Variants in CFAP20 observed in about 807,000 individuals in gnomAD.
CFAP20 encodes the protein cilia- and flagella-associated protein 20.
A neutral mutation model predicts 25.5 loss-of-function variants in CFAP20; 14 were observed. That is an observed-to-expected ratio of 0.55 (90% CI 0.36 to 0.86). CFAP20 has a LOEUF of 0.86. Among genes scored for constraint, CFAP20 ranks in the 40% least tolerant of loss-of-function variants. The pLI is 0.01. For synonymous variants in CFAP20, 75 were observed against 91.1 expected, an observed-to-expected ratio of 0.82 and a Z score of 1.01; for missense variants, 181 against 248.0, an observed-to-expected ratio of 0.73 and a Z score of 1.81.
intron 1 of CFAP20, 81 bp downstream of exon 1, chr16:58,128,951 C>A (rs939103997): frequency 1.4e-6 from 2 of 1,469,470 alleles, no homozygotes; most frequent in African/African-American, 1.4e-5. Context: ...CAATTCGACA[C>A]AACCATTCCC....
rs3743575 is a variant in CFAP20, at chr16:58,129,285, C to A, written c.-170G>T. Reference sequence around the variant, plus strand: ...CACTGATGGCCGGACTCGGACGCGGCAACGCTAAGTCCGCGATCTTCAGCT... The same window carrying A: ...CACTGATGGCCGGACTCGGACGCGGAAACGCTAAGTCCGCGATCTTCAGCT... On this transcript the variant is annotated 5_prime_UTR_variant, in exon 1 of 6. Transcript: ENST00000262498. 64 of 652,542 alleles carry A rather than the reference C, an allele frequency of 9.8e-5. No individual in the cohort carries two copies. Among genetic ancestry groups the A allele is most frequent in the Non-Finnish European group, 1.6e-4 (62 of 381,766 alleles). 40.4% of individuals were successfully genotyped at this position (652,542 alleles called of 1,614,324 possible). A position where few individuals can be genotyped will look rare whatever the true frequency, so the allele number is the denominator to read the frequency against.
At chr16:58,121,318 C>T (rs915153448) in intron 1 of CFAP20, among the ~76,000 whole-genome samples, 11 of 152,194 alleles carry the variant, frequency 7.2e-5, no homozygotes, top group African/African-American at 2.7e-4. Context: ...GTTCAGAGGT[C>T]ACTGGGCAGG....
chr16:58,120,683 T>A (rs527452846), intron 1 of CFAP20, among the ~76,000 whole-genome samples: 1 of 152,220 alleles, frequency 6.6e-6, no homozygotes, highest in Non-Finnish European at 1.5e-5. Context: ...CTAAAGAGAT[T>A]TCTTTTTCTC....
chr16:58,116,217 AAT>A, intron 2 of CFAP20, 65 bp from the exon 3 acceptor site: 2 of 1,177,196 alleles, frequency 1.7e-6, no homozygotes, highest in Non-Finnish European at 2.5e-6. Context: ...TATGCACAAC[AAT>A]AACACACGGT....
At chr16:58,125,485 G>A (rs1960599277) in intron 1 of CFAP20, among the ~76,000 whole-genome samples, 1 of 152,160 alleles carries the variant, frequency 6.6e-6, no homozygotes, top group Admixed American at 6.5e-5. Context: ...AGGAATTCAA[G>A]ACCAGCCTGG....
intron 1 of CFAP20, among the ~76,000 whole-genome samples, chr16:58,121,458 C>T (rs1025924083): frequency 6.6e-6 from 1 of 152,156 alleles, no homozygotes; most frequent in Admixed American, 6.5e-5. Context: ...AATTCTTTTT[C>T]ATTCATGACA....
intron 1 of CFAP20, 116 bp downstream of exon 1, chr16:58,128,916 C>T: frequency 8.5e-7 from 1 of 1,180,272 alleles, no homozygotes; most frequent in Non-Finnish European, 1.2e-6. Flanking sequence ...GGCACAGCAG[C>T]GTCCTCTCGG....
chr16:58,118,012 T>C (rs1960482361), intron 1 of CFAP20, among the ~76,000 whole-genome samples: 1 of 152,238 alleles, frequency 6.6e-6, no homozygotes, highest in Admixed American at 6.5e-5. Context: ...TAGCACCTCA[T>C]CCTACATTGT....
intron 1 of CFAP20, chr16:58,119,133 A>G (rs1379677850): frequency 6.6e-6 from 1 of 152,176 alleles, no homozygotes; most frequent in Non-Finnish European, 1.5e-5. Context: ...CTGTTTTTAG[A>G]CATTAGTCTC....
chr16:58,126,848 C>A (rs117343535), intron 1 of CFAP20, among the ~76,000 whole-genome samples: 64 of 152,332 alleles, frequency 4.2e-4, no homozygotes, highest in East Asian at 3.3e-3. Context: ...AAAAAGCACA[C>A]ACGACAAAGC....
intron 1 of CFAP20, among the ~76,000 whole-genome samples, chr16:58,127,261 G>C (rs1331411959): frequency 1.3e-5 from 2 of 152,130 alleles, no homozygotes; most frequent in African/African-American, 4.8e-5. Context: ...GCCCAGAAGG[G>C]TTAAAATGGA....
chr16:58,124,335 C>T (rs992767060), intron 1 of CFAP20, among the ~76,000 whole-genome samples: 4 of 152,308 alleles, frequency 2.6e-5, no homozygotes, highest in African/African-American at 9.6e-5. Context: ...ATTCCTCAGT[C>T]CCTGCCATAT....
chr16:58,115,713 T>G (rs1960448933), intron 3 of CFAP20: 2 of 561,080 alleles, frequency 3.6e-6, no homozygotes, highest in South Asian at 4.3e-5. Context: ...CCATAGAGTA[T>G]ATAAATGTTC....
At chr16:58,126,717 C>T (rs1960618066) in intron 1 of CFAP20, among the ~76,000 whole-genome samples, 1 of 152,316 alleles carries the variant, frequency 6.6e-6, no homozygotes, top group East Asian at 1.9e-4. Flanking sequence ...TCTCTATCTT[C>T]CCAAGTCTAC....
In CFAP20 at chr16:58,126,145, G is replaced by A. The variant is rs189169166; in HGVS notation, c.84+2887C>T. 4.9e-3 allele frequency among the ~76,000 whole-genome samples: 741 copies of A among 152,252 alleles called. 3 individuals carry two copies. Among genetic ancestry groups the A allele is most frequent in the Middle Eastern group, 0.014 (4 of 294 alleles). On this transcript the variant is annotated intron_variant, in intron 1 of 5. Coordinates refer to ENST00000262498, the MANE Select transcript of CFAP20 (RefSeq NM_013242.3). The stretch of plus-strand genomic sequence containing the variant: ...ATGCAAATCCAAGGTGTCTGACCAC[G>A]CCCTAGCATTGAGGTTTTTCGGTAA...
chr16:58,115,636 T>G (rs1960447423), intron 3 of CFAP20, 179 bp from the exon 4 acceptor site: 1 of 685,486 alleles, frequency 1.5e-6, no homozygotes, highest in South Asian at 1.9e-5. Flanking sequence ...GTAGCAAGTT[T>G]ATCTTGTTTG....
In CFAP20 at chr16:58,114,816, C is replaced by T. The variant is rs778026862; in HGVS notation, c.570G>A (p.Lys190=). The T allele has an allele frequency of 1.2e-6, 2 of 1,612,370 alleles. No homozygotes were observed. The highest frequency in any genetic ancestry group is 3.3e-5 in the Admixed American group (2 of 60,006). Residue 190 remains lysine, a synonymous_variant, in exon 5 of 6, where the codon AAG becomes AAA. Transcript: ENST00000262498. ...EFKLYLPVQN[K]AKQ ...CTGGGGAAGACTGGCTTACCTTTGC[C>T]TTGTTCTGAACTGGGAGATACAGTT...
intron 1 of CFAP20, 73 bp downstream of exon 1, chr16:58,128,959 C>T (rs1960665715): frequency 6.7e-7 from 1 of 1,482,188 alleles, no homozygotes; most frequent in Admixed American, 1.8e-5. Flanking sequence ...CACAACCATT[C>T]CCCGTCCCCA....
chr16:58,113,744 G>A lies in CFAP20; in HGVS notation c.*281C>T, dbSNP rs544156891. ...TTATGGGCCATCTTTAATTCTGTAA[G>A]TTCATGGTAAAGGTATCTCCCCCCA... On this transcript the variant is annotated 3_prime_UTR_variant, in exon 6 of 6. Coordinates refer to ENST00000262498, the MANE Select transcript of CFAP20 (RefSeq NM_013242.3). 2 of 428,624 alleles carry A rather than the reference G, an allele frequency of 4.7e-6. No homozygotes were observed. Among genetic ancestry groups the A allele is most frequent in the East Asian group, 7.7e-5 (2 of 25,950 alleles). The allele number at this position is 428,624 out of a possible 1,614,324, so 26.6% of individuals were successfully genotyped here. A position where few individuals can be genotyped will look rare whatever the true frequency, so the allele number is the denominator to read the frequency against.
Sources: gnomAD v4.1 joint callset for allele counts (sites outside exome capture counted in the v4.1 genomes callset) on GRCh38, gnomAD v4.1.1 for gene constraint, MANE v1.5 for transcripts, NCBI Gene and HGNC (gene_info 2026-07-23, HGNC 2026-07-21) for gene names.